AK3: variants seen among roughly 807,000 people sequenced by gnomAD.
The protein encoded by AK3 is adenylate kinase 3.
In AK3, 27 loss-of-function variants were observed where a neutral mutation model predicts 23.7. The observed-to-expected ratio is 1.14, with a 90% CI of 0.84 to 1.57. The LOEUF (loss-of-function observed/expected upper bound fraction) is 1.57, where lower values mean the gene tolerates loss of function less well. AK3 is among the 40% of genes most tolerant of loss of function. The pLI, the probability that AK3 is intolerant of heterozygous loss-of-function variation, is 0.00. For missense variants in AK3, 406 were observed against 285.6 expected (o/e 1.42, Z -3.04); for synonymous variants, 159 against 116.0 (o/e 1.37, Z -2.38).
At chr9:4,719,456 A>G (rs1203726375) in intron 2 of AK3, 149 bp from the exon 3 acceptor site, 1 of 728,428 alleles carries the variant, frequency 1.4e-6, no homozygotes, top group African/African-American at 1.8e-5. Context: ...CAGGCCGATC[A>G]CAGCTGCGGT....
At chr9:4,737,393 C>T (rs1250920398) in intron 1 of AK3, among the ~76,000 whole-genome samples, 1 of 152,100 alleles carries the variant, frequency 6.6e-6, no homozygotes, top group Admixed American at 6.6e-5. Context: ...TATGTTTTCA[C>T]CCTAATCCCC....
At chr9:4,714,024 AG>A (rs1841640971) in intron 4 of AK3, among the ~76,000 whole-genome samples, 1 of 2,358 alleles carries the variant, frequency 4.2e-4, no homozygotes, top group African/African-American at 1.9e-3. Flanking sequence ...ACACATATAC[AG>A]CTACACATAT....
intron 1 of AK3, among the ~76,000 whole-genome samples, chr9:4,723,459 T>C (rs1354991748): frequency 6.6e-6 from 1 of 152,214 alleles, no homozygotes; most frequent in East Asian, 1.9e-4. Flanking sequence ...TTATGTTATA[T>C]TTTTATTAAC....
Position 4,741,025 on chromosome 9 carries a change from GC to G in AK3, c.62del (p.Gly21AlafsTer13). ...GTGTAGTGATGCGCGACGACACGGT[GC>G]CCTTGCCCGAGCCCGGGGCCCCCAT... is the stretch of plus-strand genomic sequence containing the variant. ...VIMGAPGSGKGTVSSRITTHF... is the reference protein window; with the variant it reads ...VIMGAPGSGKXTVSSRITTHF... On this transcript the variant is annotated frameshift_variant, in exon 1 of 5. Transcript: ENST00000381809. LOFTEE classifies it high-confidence loss of function. 2 of 1,586,574 alleles carry G rather than the reference GC, an allele frequency of 1.3e-6. No homozygotes were observed. Among genetic ancestry groups the G allele is most frequent in the Non-Finnish European group, 1.7e-6 (2 of 1,168,704 alleles).
chr9:4,730,582 G>A (rs1053129134), intron 1 of AK3, among the ~76,000 whole-genome samples: 4 of 152,158 alleles, frequency 2.6e-5, no homozygotes, highest in African/African-American at 7.2e-5. Context: ...CAGCCTTGGT[G>A]ACAGAGCAAG....
rs1000221215 is a variant in AK3 at position 4,712,205 on chromosome 9, TAC to T, written c.*769_*770del. 1.3e-5 allele frequency: 2 copies of T among 152,188 alleles called. No individual in the cohort carries two copies. Among genetic ancestry groups the T allele is most frequent in the Non-Finnish European group, 2.9e-5 (2 of 68,020 alleles). The allele number at this position is 152,188 out of a possible 1,614,324, so 9.4% of individuals were successfully genotyped here. On this transcript the variant is annotated 3_prime_UTR_variant, in exon 5 of 5. Coordinates refer to ENST00000381809, the MANE Select transcript of AK3 (RefSeq NM_016282.4). Reference sequence around the variant, plus strand: ...CATAACTGAAAACATAGACTTTAATTACATTTTGTTGAAAATTCATTCAACTT... The same window carrying T: ...CATAACTGAAAACATAGACTTTAATTATTTTGTTGAAAATTCATTCAACTT...
At chr9:4,739,862 C>T (rs1283182665) in intron 1 of AK3, among the ~76,000 whole-genome samples, 1 of 151,906 alleles carries the variant, frequency 6.6e-6, no homozygotes, top group Non-Finnish European at 1.5e-5. Flanking sequence ...ACCCAGGAGG[C>T]AGACAGAGCA....
chr9:4,728,940 T>C (rs574212683), intron 1 of AK3, among the ~76,000 whole-genome samples: 6 of 137,432 alleles, frequency 4.4e-5, no homozygotes, highest in African/African-American at 1.3e-4. Context: ...TACATACATA[T>C]ATACATACAT....
rs1841550028 is a variant in AK3 at position 4,711,120 on chromosome 9, G to A, written c.*1856C>T. On this transcript the variant is annotated 3_prime_UTR_variant, in exon 5 of 5. Transcript: ENST00000381809. ...GAAGGCCGGTATGGCTACCATAGCA[G>A]GAGATGAAGTATTGCATAAACTGAA... 1 of 152,160 alleles carries A rather than the reference G, an allele frequency of 6.6e-6. No homozygotes were observed. Among genetic ancestry groups the A allele is most frequent in the Non-Finnish European group, 1.5e-5 (1 of 68,030 alleles). 9.4% of individuals were successfully genotyped at this position (152,160 alleles called of 1,614,324 possible). A position where few individuals can be genotyped will look rare whatever the true frequency, so the allele number is the denominator to read the frequency against.
At chr9:4,714,084 A>G (rs373536442) in intron 4 of AK3, among the ~76,000 whole-genome samples, 1 of 72,134 alleles carries the variant, frequency 1.4e-5, no homozygotes, top group African/African-American at 4.1e-5. Flanking sequence ...ACATATACAC[A>G]CCTACACATA....
Position 4,712,010 on chromosome 9 carries a change from A to C in AK3, c.*966T>G, listed in dbSNP as rs1010330207. The C allele has an allele frequency of 6.6e-6, 1 of 152,190 alleles. No homozygotes were observed. The highest frequency in any genetic ancestry group is 2.4e-5 in the African/African-American group (1 of 41,456). 9.4% of individuals were successfully genotyped at this position (152,190 alleles called of 1,614,324 possible). On this transcript the variant is annotated 3_prime_UTR_variant, in exon 5 of 5. Transcript: ENST00000381809. ...CATGCCTCATCTATTTACTAACAAC[A>C]AAGTATGCTTACTTTATTTACATAG...
Position 4,719,227 on chromosome 9 carries a change from AGGG to A in AK3, c.349_351del (p.Pro117del). On this transcript the variant is annotated inframe_deletion, in exon 3 of 5. Transcript: ENST00000381809. The stretch of plus-strand genomic sequence containing the variant: ...GTAAGGCGTTGTTTAATGACCTCAA[AGGG>A]CACATTCAGGTTAATCACTGTGTCG... 1 of 1,612,078 alleles carries A rather than the reference AGGG, an allele frequency of 6.2e-7. No individual in the cohort carries two copies. The highest frequency in any genetic ancestry group is 1.1e-5 in the South Asian group (1 of 90,972).
At chr9:4,734,126 G>C (rs1041031689) in intron 1 of AK3, among the ~76,000 whole-genome samples, 2 of 152,170 alleles carry the variant, frequency 1.3e-5, no homozygotes, top group Non-Finnish European at 2.9e-5. Flanking sequence ...CATAATGGGA[G>C]GGCACTAATC....
intron 1 of AK3, among the ~76,000 whole-genome samples, chr9:4,727,690 A>C (rs966858287): frequency 1.2e-4 from 18 of 152,104 alleles, no homozygotes; most frequent in African/African-American, 4.3e-4. Flanking sequence ...CAGCACTTTT[A>C]ATTTCCTTCA....
chr9:4,725,912 C>G (rs1043841985), intron 1 of AK3, among the ~76,000 whole-genome samples: 1 of 151,952 alleles, frequency 6.6e-6, no homozygotes, highest in Non-Finnish European at 1.5e-5. Context: ...AAGACACATA[C>G]AGGCCTACCC....
intron 3 of AK3, 138 bp from the exon 4 acceptor site, chr9:4,718,675 A>G: frequency 3.1e-6 from 2 of 639,018 alleles, no homozygotes; most frequent in Middle Eastern, 4.0e-4. Context: ...AAAAAATGGA[A>G]TCCAACCTCA....
intron 1 of AK3, among the ~76,000 whole-genome samples, chr9:4,737,673 C>T (rs892074302): frequency 6.6e-6 from 1 of 152,042 alleles, no homozygotes; most frequent in Non-Finnish European, 1.5e-5. Flanking sequence ...AAGCCGAGAT[C>T]GTGCCACTGC....
chr9:4,734,815 G>A lies in AK3; in HGVS notation c.151+6122C>T, dbSNP rs867318486. On this transcript the variant is annotated intron_variant, in intron 1 of 4. Coordinates refer to ENST00000381809, the MANE Select transcript of AK3 (RefSeq NM_016282.4). ...CATCCATAAAATGGAATTGTATTCA[G>A]CGATAAAAAAGAATGAAGTAGTAAA... Among the ~76,000 whole-genome samples, 4 of 152,160 alleles carry A rather than the reference G, an allele frequency of 2.6e-5. No individual in the cohort carries two copies. In the South Asian group the frequency reaches 8.3e-4, roughly 31 times the overall value.
chr9:4,729,104 G>A (rs1225922384), intron 1 of AK3, among the ~76,000 whole-genome samples: 2 of 149,314 alleles, frequency 1.3e-5, no homozygotes, highest in East Asian at 2.0e-4. Context: ...TCTGCCTCCC[G>A]GGTTCAAGCG....
Sources: gnomAD v4.1 joint callset for allele counts (sites outside exome capture counted in the v4.1 genomes callset) on GRCh38, gnomAD v4.1.1 for gene constraint, MANE v1.5 for transcripts, NCBI Gene and HGNC (gene_info 2026-07-23, HGNC 2026-07-21) for gene names.